The following CACNA2D3 variants were observed in gnomAD, a reference collection of about 807,000 sequenced individuals.
The protein encoded by CACNA2D3 is voltage-dependent calcium channel subunit alpha-2/delta-3.
In CACNA2D3, 60 loss-of-function variants were observed where a neutral mutation model predicts 160.6. That is an observed-to-expected ratio of 0.37 (90% confidence interval 0.30 to 0.46). CACNA2D3 has a LOEUF of 0.46. Ranked by LOEUF, CACNA2D3 falls within the 20% of genes least tolerant of loss-of-function variation. The probability of loss-of-function intolerance (pLI) is 1.00; values close to 1 mark genes in which losing one functional copy is unlikely to be tolerated. For missense variants in CACNA2D3, 1,205 were observed against 1,365.0 expected (o/e 0.88, Z 1.85); for synonymous variants, 558 against 492.9 (o/e 1.13, Z -1.75).
rs75167847 is a variant in CACNA2D3 at position 54,164,247 on chromosome 3, C to T, written c.204+40653C>T. Among the ~76,000 whole-genome samples the T allele has an allele frequency of 0.014, 2,168 of 152,244 alleles. 121 individuals are homozygous for T. In the East Asian group the frequency reaches 0.2, roughly 14 times the overall value. ...GCCTTTCCTGTGGGGCCTGACTGCA[C>T]GTACCCCCTCTCCCCAAACCCTCCA... On this transcript the variant is annotated intron_variant, in intron 2 of 37. Transcript: ENST00000474759.
intron 10 of CACNA2D3, among the ~76,000 whole-genome samples, chr3:54,634,046 G>C (rs1024748319): frequency 1.3e-5 from 2 of 152,140 alleles, no homozygotes; most frequent in African/African-American, 4.8e-5. Flanking sequence ...GTTATGTATG[G>C]TCTTCTCTCA....
intron 4 of CACNA2D3, among the ~76,000 whole-genome samples, chr3:54,420,006 T>C (rs1039059924): frequency 1.3e-5 from 2 of 152,172 alleles, no homozygotes; most frequent in African/African-American, 4.8e-5. Context: ...CCTCAGGTGA[T>C]CCACCCGCCA....
At chr3:54,799,143 T>C (rs896942950) in intron 13 of CACNA2D3, among the ~76,000 whole-genome samples, 6 of 152,184 alleles carry the variant, frequency 3.9e-5, no homozygotes, top group Admixed American at 2.0e-4. Flanking sequence ...TAGTGTGCAA[T>C]TTTACAGAAG....
At chr3:54,557,080 A>G (rs1389295656) in intron 5 of CACNA2D3, among the ~76,000 whole-genome samples, 1 of 152,206 alleles carries the variant, frequency 6.6e-6, no homozygotes, top group South Asian at 2.1e-4. Context: ...CAGCTATTTA[A>G]GATTTCCCCT....
intron 14 of CACNA2D3, among the ~76,000 whole-genome samples, chr3:54,823,257 A>G (rs1462465201): frequency 6.6e-6 from 1 of 151,896 alleles, no homozygotes; most frequent in Non-Finnish European, 1.5e-5. Context: ...GGTTTACTCC[A>G]TTTTCAGATT....
intron 2 of CACNA2D3, among the ~76,000 whole-genome samples, chr3:54,140,458 A>G (rs566821857): frequency 3.1e-4 from 47 of 152,120 alleles, no homozygotes; most frequent in African/African-American, 9.2e-4. Context: ...TTTCTCTCAC[A>G]TTTCCTCTCC....
rs116540885 is a variant in CACNA2D3 at position 54,370,040 on chromosome 3, C to T, written c.322-16675C>T. ...GTTCTTAATTAAACTTGTATCTTCA[C>T]GTAGCATATGAGCAATGGGAAAATC... On this transcript the variant is annotated intron_variant, in intron 3 of 37. Transcript: ENST00000474759. Among the ~76,000 whole-genome samples the T allele has an allele frequency of 3.9e-5, 6 of 152,142 alleles. 1 individual carries two copies. Among genetic ancestry groups the T allele is most frequent in the Admixed American group, 1.3e-4 (2 of 15,272 alleles).
At chr3:54,401,989 T>G (rs905878175) in intron 4 of CACNA2D3, among the ~76,000 whole-genome samples, 1 of 152,100 alleles carries the variant, frequency 6.6e-6, no homozygotes, top group Non-Finnish European at 1.5e-5. Context: ...ATCAAAAATA[T>G]AAATTGTTGG....
intron 13 of CACNA2D3, among the ~76,000 whole-genome samples, chr3:54,791,708 CTTAA>C (rs1702760836): frequency 6.6e-6 from 1 of 152,058 alleles, no homozygotes; most frequent in Admixed American, 6.6e-5. Context: ...ACAGATGGGA[CTTAA>C]TTAAGTTGTC....
intron 12 of CACNA2D3, among the ~76,000 whole-genome samples, chr3:54,760,053 C>A (rs1702051810): frequency 6.6e-6 from 1 of 152,196 alleles, no homozygotes; most frequent in Non-Finnish European, 1.5e-5. Context: ...TACCTTCCCT[C>A]CCTGTTCTTG....
At chr3:54,463,694 A>C (rs544166104) in intron 4 of CACNA2D3, among the ~76,000 whole-genome samples, 1 of 152,138 alleles carries the variant, frequency 6.6e-6, no homozygotes, top group Non-Finnish European at 1.5e-5. Flanking sequence ...CAAAGTTTTT[A>C]ACTTTTTTGC....
intron 2 of CACNA2D3, among the ~76,000 whole-genome samples, chr3:54,199,368 T>G (rs1701135675): frequency 6.6e-6 from 1 of 152,014 alleles, no homozygotes; most frequent in Non-Finnish European, 1.5e-5. Context: ...TTTAAAAATT[T>G]TATTTATTTA....
chr3:54,871,301 T>C (rs1410538268), intron 17 of CACNA2D3, among the ~76,000 whole-genome samples: 1 of 152,044 alleles, frequency 6.6e-6, no homozygotes, highest in East Asian at 1.9e-4. Flanking sequence ...GGTAAATTCA[T>C]ATCAAGCAAA....
intron 35 of CACNA2D3, among the ~76,000 whole-genome samples, chr3:55,024,877 A>G (rs1344751185): frequency 6.6e-6 from 1 of 152,208 alleles, no homozygotes; most frequent in Non-Finnish European, 1.5e-5. Context: ...CTCAGATATG[A>G]TCACAGGCCG....
chr3:54,139,658 A>G (rs142447771), intron 2 of CACNA2D3, among the ~76,000 whole-genome samples: 10 of 152,338 alleles, frequency 6.6e-5, no homozygotes, highest in Non-Finnish European at 1.5e-4. Flanking sequence ...TGGTATTTAT[A>G]TAACCTGGTA....
intron 2 of CACNA2D3, among the ~76,000 whole-genome samples, chr3:54,289,928 C>A (rs1703142890): frequency 1.3e-5 from 2 of 151,986 alleles, no homozygotes; most frequent in Admixed American, 6.6e-5. Context: ...TAAAGATTTA[C>A]ATGTTAGACC....
chr3:54,370,660 T>A (rs1698910442), intron 3 of CACNA2D3, among the ~76,000 whole-genome samples: 1 of 152,172 alleles, frequency 6.6e-6, no homozygotes, highest in Admixed American at 6.5e-5. Context: ...CAAACAACAT[T>A]GCACTCTAAT....
At chr3:54,257,145 C>T (rs1440596673) in intron 2 of CACNA2D3, among the ~76,000 whole-genome samples, 2 of 152,184 alleles carry the variant, frequency 1.3e-5, no homozygotes, top group African/African-American at 4.8e-5. Flanking sequence ...CTGTTCCCAG[C>T]AACTTCTGAG....
intron 11 of CACNA2D3, among the ~76,000 whole-genome samples, chr3:54,694,437 C>T (rs1053629305): frequency 6.6e-6 from 1 of 152,192 alleles, no homozygotes; most frequent in Non-Finnish European, 1.5e-5. Flanking sequence ...AAATGACACA[C>T]AAATATACTT....
Sources: allele counts gnomAD v4.1 joint callset (sites outside exome capture counted in the v4.1 genomes callset), GRCh38; gene constraint gnomAD v4.1.1; transcripts MANE v1.5; gene names NCBI Gene and HGNC (gene_info 2026-07-23, HGNC 2026-07-21).